The following PIEZO2 variants were observed in gnomAD, a reference collection of about 807,000 sequenced individuals.
The protein encoded by PIEZO2 is piezo type mechanosensitive ion channel component 2.
A neutral mutation model predicts 337.3 loss-of-function variants in PIEZO2; 172 were observed. The observed-to-expected ratio is 0.51, with a 90% confidence interval of 0.45 to 0.58. The LOEUF (loss-of-function observed/expected upper bound fraction) is 0.58. Among genes scored for constraint, PIEZO2 ranks in the 20% least tolerant of loss-of-function variants. The pLI, the probability that PIEZO2 is intolerant of heterozygous loss-of-function variation, is 0.00. For missense variants in PIEZO2, 3,028 were observed against 3,391.3 expected, an observed-to-expected ratio of 0.89 and a Z score of 2.66; for synonymous variants, 1,251 against 1,228.5, an observed-to-expected ratio of 1.02 and a Z score of -0.38.
intron 2 of PIEZO2, among the ~76,000 whole-genome samples, chr18:11,025,217 C>G (rs982097339): frequency 4.5e-4 from 69 of 152,240 alleles, no homozygotes; most frequent in African/African-American, 1.7e-3. Flanking sequence ...ATAACAATAG[C>G]CACTTCATTT....
chr18:10,885,558 T>A (rs990380416), intron 4 of PIEZO2, among the ~76,000 whole-genome samples: 2 of 152,118 alleles, frequency 1.3e-5, no homozygotes, highest in African/African-American at 4.8e-5. Context: ...GTCCATGGGA[T>A]TATAAGCAAA....
rs1374381468 is a variant in PIEZO2, at chr18:11,102,091, A to G, written c.65-35869T>C. On this transcript the variant is annotated intron_variant, in intron 1 of 55. Transcript: ENST00000674853. This position sits in a 1 kb window ranked among gnomAD's most constrained non-coding sequence, Gnocchi z 5.7. ...ATGTATTCCCTTTTTCAAAATGCTG[A>G]AAGGATAGACCAAAACCCTTCTAAA... Among the ~76,000 whole-genome samples the G allele has an allele frequency of 6.6e-6, 1 of 152,228 alleles. No homozygotes were observed. Among genetic ancestry groups the G allele is most frequent in the Non-Finnish European group, 1.5e-5 (1 of 68,036 alleles).
chr18:10,789,218 T>C lies in PIEZO2; in HGVS notation c.2030A>G (p.Asn677Ser). The C allele has an allele frequency of 6.5e-7, 1 of 1,537,324 alleles. No individual in the cohort carries two copies. Among genetic ancestry groups the C allele is most frequent in the South Asian group, 1.2e-5 (1 of 84,070 alleles). ...CTTGATGAACATGGCCACCACCAGA[T>C]TGCCCAGGACTTTCATGATGTCCTG... Reference protein sequence around the residue: ...DEQDIMKVLGNLVVAMFIKYW... With the variant: ...DEQDIMKVLGSLVVAMFIKYW... Residue 677 changes from asparagine (N) to serine (S), a missense_variant, in exon 15 of 56, where the codon AAT (asparagine) becomes AGT (serine). Coordinates refer to ENST00000674853, the MANE Select transcript of PIEZO2 (RefSeq NM_001378183.1).
chr18:11,086,659 T>C (rs951231844), intron 1 of PIEZO2, among the ~76,000 whole-genome samples: 1 of 152,142 alleles, frequency 6.6e-6, no homozygotes, highest in Admixed American at 6.5e-5. Context: ...TCTGAAGGAA[T>C]TGATAGATAT....
intron 9 of PIEZO2, 55 bp downstream of exon 9, chr18:10,803,820 T>C (rs1397747814): frequency 6.5e-7 from 1 of 1,530,442 alleles, no homozygotes; most frequent in Non-Finnish European, 8.7e-7. Context: ...TATTCAACAG[T>C]AAAATACAAA....
chr18:10,968,749 T>A (rs955009196), intron 3 of PIEZO2, among the ~76,000 whole-genome samples: 3 of 152,232 alleles, frequency 2.0e-5, no homozygotes, highest in Admixed American at 6.5e-5. Context: ...TTATAATGCA[T>A]TATAATACTT....
At chr18:11,141,565 C>T (rs2040648423) in intron 1 of PIEZO2, among the ~76,000 whole-genome samples, 1 of 151,642 alleles carries the variant, frequency 6.6e-6, no homozygotes, top group Admixed American at 6.5e-5. Context: ...AACTTAGAAG[C>T]GTGCCCTTGA....
In PIEZO2 at chr18:10,699,147, T is replaced by C. The variant is rs1244018988; in HGVS notation, c.6472A>G (p.Thr2158Ala). The C allele has an allele frequency of 1.3e-6, 2 of 1,537,192 alleles. No homozygotes were observed. The highest frequency in any genetic ancestry group is 1.7e-4 in the Middle Eastern group (1 of 5,988). ...TCCTCCCTGGCCATGCCACTTTCAG[T>C]CATGTCATCTTCATCCCATAAGCCA... ...CHGLWDEDDMTESGMAREESD... is the reference protein window; with the variant it reads ...CHGLWDEDDMAESGMAREESD... The change falls in exon 44 of 56, where the codon ACT (threonine) becomes GCT (alanine). Residue 2158 changes from threonine (T) to alanine (A), a missense_variant. Around this residue, in one of 5 missense-constraint regions of PIEZO2, gnomAD observed 1,925 missense variants for 2,051.9 expected, o/e 0.94. Coordinates refer to ENST00000674853, the MANE Select transcript of PIEZO2 (RefSeq NM_001378183.1).
intron 7 of PIEZO2, among the ~76,000 whole-genome samples, chr18:10,826,647 G>T (rs908740275): frequency 1.3e-5 from 2 of 152,098 alleles, no homozygotes. Flanking sequence ...TTGTTTATAT[G>T]CTTACATTTT....
At chr18:10,806,031 A>C (rs1479360915) in intron 8 of PIEZO2, among the ~76,000 whole-genome samples, 1 of 152,242 alleles carries the variant, frequency 6.6e-6, no homozygotes, top group Non-Finnish European at 1.5e-5. Context: ...TCATTGCTCT[A>C]TGCTGGCCCC....
intron 39 of PIEZO2, chr18:10,709,191 T>C (rs1314174135): frequency 6.6e-6 from 1 of 152,210 alleles, no homozygotes; most frequent in African/African-American, 2.4e-5. Flanking sequence ...TTAGGGCTTG[T>C]TGGATGCCAT....
chr18:10,684,442 A>G (rs12969022), intron 49 of PIEZO2, among the ~76,000 whole-genome samples: 43,640 of 143,666 alleles, frequency 0.3, 7,139 homozygotes, highest in Non-Finnish European at 0.39. Flanking sequence ...TGGGATTACA[A>G]GCGTGAACCA....
intron 3 of PIEZO2, among the ~76,000 whole-genome samples, chr18:10,934,790 A>C (rs945581116): frequency 1.3e-5 from 2 of 152,110 alleles, no homozygotes; most frequent in African/African-American, 4.8e-5. Context: ...CTGACCCAGC[A>C]GGATAATTTC....
intron 49 of PIEZO2, among the ~76,000 whole-genome samples, chr18:10,686,294 C>T (rs1297231978): frequency 6.6e-6 from 1 of 152,212 alleles, no homozygotes; most frequent in Non-Finnish European, 1.5e-5. Flanking sequence ...GTATCCCAAA[C>T]TCTACATATT....
intron 3 of PIEZO2, among the ~76,000 whole-genome samples, chr18:10,914,336 T>C (rs2030750444): frequency 6.6e-6 from 1 of 151,936 alleles, no homozygotes; most frequent in African/African-American, 2.4e-5. Context: ...GCATGGAGAA[T>C]GGATGTCCAG....
rs897045724 is a variant in PIEZO2 at position 11,110,933 on chromosome 18, C to A, written c.64+37592G>T. Among the ~76,000 whole-genome samples, 7 of 152,330 alleles carry A rather than the reference C, an allele frequency of 4.6e-5. No homozygotes were observed. The highest frequency in any genetic ancestry group is 7.3e-5 in the Non-Finnish European group (5 of 68,028). ...GGTGAGGCCAGGATGCTGTGCCCCG[C>A]AAGCTCCCCTCCATGTGGTCTGCGT... On this transcript the variant is annotated intron_variant, in intron 1 of 55. Coordinates refer to ENST00000674853, the MANE Select transcript of PIEZO2 (RefSeq NM_001378183.1). The surrounding 1 kb of genome is among the most constrained non-coding windows in gnomAD (Gnocchi z 4.2).
chr18:10,767,231 C>T lies in PIEZO2; in HGVS notation c.2946+2917G>A, dbSNP rs2038402526. Among the ~76,000 whole-genome samples, 1 of 152,174 alleles carries T rather than the reference C, an allele frequency of 6.6e-6. No individual in the cohort carries two copies. The highest frequency in any genetic ancestry group is 1.5e-5 in the Non-Finnish European group (1 of 68,042). On this transcript the variant is annotated intron_variant, in intron 21 of 55. Transcript: ENST00000674853. The surrounding 1 kb of genome is among the most constrained non-coding windows in gnomAD (Gnocchi z 4.2). The stretch of plus-strand genomic sequence containing the variant: ...AATCTAGATTATTCCAAAGCAGTGT[C>T]ACTCCTGAATAAGATGCTGATGGAA...
intron 2 of PIEZO2, among the ~76,000 whole-genome samples, chr18:11,065,365 ACTT>A (rs1185640246): frequency 2.0e-5 from 3 of 152,254 alleles, no homozygotes; most frequent in Non-Finnish European, 4.4e-5. Context: ...CACAGGCCGT[ACTT>A]CTCATAACGG....
chr18:10,940,511 G>A lies in PIEZO2; in HGVS notation c.287-29283C>T, dbSNP rs1225622946. On this transcript the variant is annotated intron_variant, in intron 3 of 55. Transcript: ENST00000674853. This position sits in a 1 kb window ranked among gnomAD's most constrained non-coding sequence, Gnocchi z 5.3. ...TCTAGAACTAGGATCAGGACTTTAT[G>A]AAGAATATAGGACAGGACACATTAC... Among the ~76,000 whole-genome samples, 1 of 152,210 alleles carries A rather than the reference G, an allele frequency of 6.6e-6. No individual in the cohort carries two copies. The highest frequency in any genetic ancestry group is 1.5e-5 in the Non-Finnish European group (1 of 68,038).
Sources: allele counts gnomAD v4.1 joint callset (sites outside exome capture counted in the v4.1 genomes callset), GRCh38; gene constraint gnomAD v4.1.1; regional missense constraint gnomAD v4.1.1; non-coding constraint Gnocchi (gnomAD v3.1); transcripts MANE v1.5; gene names NCBI Gene and HGNC (gene_info 2026-07-23, HGNC 2026-07-21).